Variants in MTMR7 observed in about 807,000 individuals in gnomAD.
The protein encoded by MTMR7 is myotubularin related protein 7.
In MTMR7, 76 loss-of-function variants were observed where a neutral mutation model predicts 81.2. The ratio of observed to expected loss-of-function variants is 0.94; its 90% CI spans 0.78 to 1.13. The LOEUF (loss-of-function observed/expected upper bound fraction) is 1.13. Ranked by LOEUF, MTMR7 falls within the 50% of genes most tolerant of loss-of-function variation. MTMR7 has a pLI of 0.00. For synonymous variants in MTMR7, 372 were observed against 289.8 expected, an observed-to-expected ratio of 1.28 and a Z score of -2.88; for missense variants, 1,044 against 820.0, an observed-to-expected ratio of 1.27 and a Z score of -3.34.
intron 6 of MTMR7, among the ~76,000 whole-genome samples, chr8:17,334,802 G>C (rs1586211388): frequency 1.3e-5 from 2 of 152,222 alleles, no homozygotes; most frequent in Admixed American, 6.5e-5. Flanking sequence ...ACAATGACAG[G>C]AGTTGAAATC....
intron 1 of MTMR7, among the ~76,000 whole-genome samples, chr8:17,403,504 G>T (rs1438431113): frequency 6.6e-6 from 1 of 152,046 alleles, no homozygotes; most frequent in Non-Finnish European, 1.5e-5. Flanking sequence ...TTGAAGTCAG[G>T]TATGTGATTC....
At chr8:17,331,801 G>A (rs774184945) in intron 6 of MTMR7, among the ~76,000 whole-genome samples, 4 of 152,150 alleles carry the variant, frequency 2.6e-5, no homozygotes, top group African/African-American at 4.8e-5. Context: ...TAAACCTTGA[G>A]CAGGAATTAC....
intron 3 of MTMR7, among the ~76,000 whole-genome samples, chr8:17,369,753 C>T (rs113038051): frequency 0.028 from 4,191 of 150,908 alleles, 193 homozygotes; most frequent in African/African-American, 0.096. Flanking sequence ...TCACGCCATC[C>T]TCCTGCCTCA....
intron 3 of MTMR7, among the ~76,000 whole-genome samples, chr8:17,366,754 C>T (rs576950754): frequency 2.6e-5 from 4 of 151,774 alleles, no homozygotes; most frequent in Non-Finnish European, 4.4e-5. Context: ...GGCGTGGTGG[C>T]GGGTGCCTGT....
chr8:17,311,686 G>A, intron 8 of MTMR7, 50 bp from the exon 9 acceptor site: 1 of 1,611,812 alleles, frequency 6.2e-7, no homozygotes, highest in Non-Finnish European at 8.5e-7. Flanking sequence ...CTGTAAAAAG[G>A]CAGAACCTCT....
rs565780974 is a variant in MTMR7, at chr8:17,309,121, T to G, written c.1151+156A>C. Among the ~76,000 whole-genome samples the G allele has an allele frequency of 3.9e-5, 6 of 152,308 alleles. No individual in the cohort carries two copies. In the East Asian group the frequency reaches 1.2e-3, roughly 29 times the overall value. On this transcript the variant is annotated intron_variant, in intron 10 of 13. Coordinates refer to ENST00000180173, the MANE Select transcript of MTMR7 (RefSeq NM_004686.5). ...CAAAAGGAATCAGTTATAACTTCATTTATCTATGATATGACATATACAACA... is the reference window on the plus strand; with the variant it reads ...CAAAAGGAATCAGTTATAACTTCATGTATCTATGATATGACATATACAACA...
intron 7 of MTMR7, among the ~76,000 whole-genome samples, chr8:17,324,605 T>C (rs73210280): frequency 0.089 from 13,599 of 152,234 alleles, 968 homozygotes; most frequent in East Asian, 0.32. Context: ...AAAGCACACA[T>C]ACTTGATCCA....
At chr8:17,315,115 T>C (rs546125594) in intron 7 of MTMR7, among the ~76,000 whole-genome samples, 18 of 152,278 alleles carry the variant, frequency 1.2e-4, no homozygotes, top group African/African-American at 4.3e-4. Flanking sequence ...TTTAAACATA[T>C]GAAGTTTAAA....
chr8:17,388,110 C>A (rs989643480), intron 1 of MTMR7, among the ~76,000 whole-genome samples: 6 of 152,172 alleles, frequency 3.9e-5, no homozygotes, highest in South Asian at 2.1e-4. Flanking sequence ...ATTATGCCAG[C>A]AGCCAACGCT....
intron 1 of MTMR7, among the ~76,000 whole-genome samples, chr8:17,400,572 G>A (rs778676152): frequency 9.2e-5 from 14 of 152,166 alleles, no homozygotes; most frequent in Non-Finnish European, 2.1e-4. Context: ...ATTATCAAGC[G>A]TTACCCTTGG....
At position 17,350,222 on chromosome 8, in the gene MTMR7, A is replaced by G. The variant is rs143217353; in HGVS notation, c.469-1141T>C. 4.6e-3 allele frequency among the ~76,000 whole-genome samples: 695 copies of G among 152,306 alleles called. 15 individuals carry two copies. The highest frequency in any genetic ancestry group is 0.042 in the Admixed American group (649 of 15,288). The stretch of plus-strand genomic sequence containing the variant: ...AACATCTTCCTCGTCATCTCAAGGG[A>G]GTCCTCAAGTACGTCTAACAACAGG... On this transcript the variant is annotated intron_variant, in intron 4 of 13. Transcript: ENST00000180173.
At chr8:17,343,992 C>T (rs1301031438) in intron 5 of MTMR7, among the ~76,000 whole-genome samples, 1 of 152,176 alleles carries the variant, frequency 6.6e-6, no homozygotes. Context: ...ATTTACAATG[C>T]TACTAATAAT....
intron 3 of MTMR7, among the ~76,000 whole-genome samples, chr8:17,366,286 T>C (rs1820222298): frequency 6.6e-6 from 1 of 152,144 alleles, no homozygotes; most frequent in Non-Finnish European, 1.5e-5. Context: ...GCTTGTTCCC[T>C]AGGTATCAAG....
At chr8:17,382,577 ATCT>A (rs1470573119) in intron 1 of MTMR7, among the ~76,000 whole-genome samples, 6 of 152,176 alleles carry the variant, frequency 3.9e-5, no homozygotes, top group Non-Finnish European at 8.8e-5. Context: ...CCGTCCATCC[ATCT>A]TCTTTTCTTT....
chr8:17,362,721 T>A (rs1167500444), intron 3 of MTMR7, among the ~76,000 whole-genome samples: 1 of 152,218 alleles, frequency 6.6e-6, no homozygotes, highest in African/African-American at 2.4e-5. Context: ...ATAGCTTTCC[T>A]AGGTCCTCCT....
intron 8 of MTMR7, among the ~76,000 whole-genome samples, chr8:17,312,340 C>T (rs927185104): frequency 3.3e-5 from 5 of 152,170 alleles, no homozygotes; most frequent in South Asian, 2.1e-4. Flanking sequence ...TTTGGGAGGC[C>T]GTGGCGGGTG....
At chr8:17,408,919 T>C (rs185772984) in intron 1 of MTMR7, among the ~76,000 whole-genome samples, 26 of 152,290 alleles carry the variant, frequency 1.7e-4, no homozygotes, top group Admixed American at 1.0e-3. Context: ...AATATGTAAA[T>C]ATACTAAAAC....
At chr8:17,320,731 A>G (rs1198433099) in intron 7 of MTMR7, among the ~76,000 whole-genome samples, 1 of 152,180 alleles carries the variant, frequency 6.6e-6, no homozygotes, top group Admixed American at 6.5e-5. Flanking sequence ...GTGCCCAGCA[A>G]TACCAGACAG....
At chr8:17,322,841 T>C (rs748452271) in intron 7 of MTMR7, among the ~76,000 whole-genome samples, 77 of 152,114 alleles carry the variant, frequency 5.1e-4, no homozygotes, top group Non-Finnish European at 1.0e-4. Context: ...TAAAAATATA[T>C]GTATGTGTGT....
Sources: allele counts gnomAD v4.1 joint callset (sites outside exome capture counted in the v4.1 genomes callset), GRCh38; gene constraint gnomAD v4.1.1; transcripts MANE v1.5; gene names NCBI Gene and HGNC (gene_info 2026-07-23, HGNC 2026-07-21).